Variants in RAB37 observed in about 807,000 individuals in gnomAD.
RAB37 encodes the protein ras-related protein Rab-37.
RAB37 carries 29 observed loss-of-function variants against 33.1 expected under a neutral mutation model. The ratio of observed to expected loss-of-function variants is 0.88; its 90% CI spans 0.65 to 1.20. The LOEUF is 1.20. Among genes scored for constraint, RAB37 ranks in the 50% most tolerant of loss-of-function variants. The pLI is 0.00. For missense variants in RAB37, 299 were observed against 301.1 expected, an observed-to-expected ratio of 0.99 and a Z score of 0.05; for synonymous variants, 128 against 119.5, an observed-to-expected ratio of 1.07 and a Z score of -0.47.
intron 1 of RAB37, among the ~76,000 whole-genome samples, chr17:74,717,024 G>A (rs999387641): frequency 6.6e-6 from 1 of 152,118 alleles, no homozygotes; most frequent in Non-Finnish European, 1.5e-5. Flanking sequence ...AGTCCCAGCT[G>A]CTCAGGAGGC....
At chr17:74,688,070 A>G (rs564360796) in intron 1 of RAB37, among the ~76,000 whole-genome samples, 7 of 152,316 alleles carry the variant, frequency 4.6e-5, no homozygotes, top group African/African-American at 1.7e-4. Context: ...AGGTCAACCA[A>G]TACCCTTCAG....
chr17:74,689,412 C>T (rs563969991), intron 1 of RAB37, among the ~76,000 whole-genome samples: 2 of 151,692 alleles, frequency 1.3e-5, no homozygotes, highest in Middle Eastern at 3.4e-3. Context: ...CACTGCACTC[C>T]AGCCCGGGTG....
At chr17:74,703,641 G>T (rs1407329385) in intron 1 of RAB37, among the ~76,000 whole-genome samples, 1 of 152,150 alleles carries the variant, frequency 6.6e-6, no homozygotes, top group Non-Finnish European at 1.5e-5. Context: ...CTTCTCAGGG[G>T]TATTGTGAGG....
At chr17:74,720,437 A>C (rs989803186) in intron 1 of RAB37, among the ~76,000 whole-genome samples, 1 of 151,848 alleles carries the variant, frequency 6.6e-6, no homozygotes, top group African/African-American at 2.4e-5. Flanking sequence ...AAAAAAACCC[A>C]AAATTTGGCA....
chr17:74,717,028 A>G (rs2034173501), intron 1 of RAB37, among the ~76,000 whole-genome samples: 1 of 152,180 alleles, frequency 6.6e-6, no homozygotes, highest in Non-Finnish European at 1.5e-5. Flanking sequence ...CCAGCTGCTC[A>G]GGAGGCTGAG....
At chr17:74,714,360 T>A (rs895518563) in intron 1 of RAB37, among the ~76,000 whole-genome samples, 4 of 150,938 alleles carry the variant, frequency 2.7e-5, no homozygotes, top group Non-Finnish European at 5.9e-5. Flanking sequence ...TTCACTGTAC[T>A]CCAGCCTGGG....
chr17:74,717,886 A>G (rs2034187135), intron 1 of RAB37, among the ~76,000 whole-genome samples: 1 of 151,638 alleles, frequency 6.6e-6, no homozygotes, highest in Non-Finnish European at 1.5e-5. Flanking sequence ...ATGTGAGGAC[A>G]CAGCAAGAAG....
chr17:74,704,914 T>C, intron 1 of RAB37: 1 of 955,812 alleles, frequency 1.0e-6, no homozygotes, highest in East Asian at 2.5e-5. Context: ...GTTTCACAGG[T>C]TAAATAACAG....
intron 1 of RAB37, among the ~76,000 whole-genome samples, chr17:74,709,122 G>A (rs1315503362): frequency 6.6e-6 from 1 of 151,572 alleles, no homozygotes; most frequent in African/African-American, 2.4e-5. Context: ...TGCTCGGGAG[G>A]CTGAGGCAGG....
chr17:74,688,552 C>CAAAA (rs34832046), intron 1 of RAB37, among the ~76,000 whole-genome samples: 1 of 113,232 alleles, frequency 8.8e-6, no homozygotes. Context: ...GACTGCACCT[C>CAAAA]AAAAAAAAAA....
At chr17:74,706,329 C>A (rs2033511620) in intron 1 of RAB37, among the ~76,000 whole-genome samples, 2 of 144,410 alleles carry the variant, frequency 1.4e-5, no homozygotes, top group South Asian at 2.2e-4. Flanking sequence ...TAGGTGTGAG[C>A]AACTGTGCCT....
At chr17:74,688,222 A>T (rs1284085025) in intron 1 of RAB37, among the ~76,000 whole-genome samples, 1 of 152,154 alleles carries the variant, frequency 6.6e-6, no homozygotes, top group Admixed American at 6.5e-5. Context: ...ATACGTGTTA[A>T]CTAGAATGAT....
intron 1 of RAB37, among the ~76,000 whole-genome samples, chr17:74,706,618 A>T (rs939921594): frequency 6.6e-6 from 1 of 152,152 alleles, no homozygotes; most frequent in Non-Finnish European, 1.5e-5. Context: ...CAATGAGCCA[A>T]GATGGCGCCA....
upstream of RAB37, chr17:74,736,723 T>TG: frequency 6.5e-7 from 1 of 1,535,710 alleles, no homozygotes; most frequent in Non-Finnish European, 8.7e-7. Context: ...AGCGTACATG[T>TG]GCTGCAAGGC....
At chr17:74,710,657 G>A (rs182583489) in intron 1 of RAB37, among the ~76,000 whole-genome samples, 4 of 150,352 alleles carry the variant, frequency 2.7e-5, no homozygotes, top group Non-Finnish European at 5.9e-5. Flanking sequence ...TCAGGAGTTC[G>A]AGACCAGCCT....
At chr17:74,713,957 C>T (rs930684286) in intron 1 of RAB37, among the ~76,000 whole-genome samples, 1 of 148,130 alleles carries the variant, frequency 6.8e-6, no homozygotes, top group Non-Finnish European at 1.5e-5. Context: ...TGCCTGTAAT[C>T]CCAACACTTT....
intron 2 of RAB37, 58 bp downstream of exon 2, chr17:74,740,936 G>C: frequency 7.6e-7 from 1 of 1,318,894 alleles, no homozygotes; most frequent in Non-Finnish European, 1.1e-6. Context: ...GCTCAGGCAT[G>C]GGGGGGTTGC....
intron 1 of RAB37, among the ~76,000 whole-genome samples, chr17:74,706,345 T>G (rs1162589016): frequency 1.4e-5 from 2 of 144,112 alleles, no homozygotes; most frequent in Non-Finnish European, 3.1e-5. Context: ...TGCCTGGCCT[T>G]TTTTTTTTTT....
upstream of RAB37, among the ~76,000 whole-genome samples, chr17:74,735,089 AAG>A (rs775044403): frequency 3.9e-4 from 57 of 146,916 alleles, no homozygotes; most frequent in African/African-American, 6.7e-4. Context: ...AAGGAAGGAA[AAG>A]AGAGGGGAAG....
Sources: gnomAD v4.1 joint callset for allele counts (sites outside exome capture counted in the v4.1 genomes callset) on GRCh38, gnomAD v4.1.1 for gene constraint, MANE v1.5 for transcripts, NCBI Gene and HGNC (gene_info 2026-07-23, HGNC 2026-07-21) for gene names.